Variants in KIAA0586 observed in about 807,000 individuals in gnomAD.
KIAA0586 encodes KIAA0586.
In KIAA0586, 144 loss-of-function variants were observed where a neutral mutation model predicts 169.8. The observed-to-expected ratio is 0.85, with a 90% CI of 0.74 to 0.97. KIAA0586 has a LOEUF of 0.97. Ranked by LOEUF, KIAA0586 falls within the 50% of genes least tolerant of loss-of-function variation. The pLI is 0.00. For synonymous variants in KIAA0586, 625 were observed against 612.4 expected, an observed-to-expected ratio of 1.02 and a Z score of -0.30; for missense variants, 1,854 against 1,823.0, an observed-to-expected ratio of 1.02 and a Z score of -0.31.
intron 26 of KIAA0586, among the ~76,000 whole-genome samples, chr14:58,494,879 TAAG>T (rs764377963): frequency 1.3e-5 from 2 of 152,284 alleles, no homozygotes; most frequent in South Asian, 2.1e-4. Flanking sequence ...GGGTTGTTAA[TAAG>T]AAGACTTTTA....
At position 58,498,898 on chromosome 14, in the gene KIAA0586, C is replaced by T. The variant is rs762448859; in HGVS notation, c.4106C>T (p.Thr1369Ile). The T allele has an allele frequency of 6.8e-6, 11 of 1,612,512 alleles. No individual in the cohort carries two copies. In the South Asian group the frequency reaches 1.2e-4, roughly 18 times the overall value. ...TATATGCAGCCACCTGTCACTAATA[C>T]ACAGTCTTTGGATCAACAATGTGAT... is the stretch of plus-strand genomic sequence containing the variant. ...SLYMQPPVTN[T>I]QSLDQQCDPK... Residue 1369 changes from threonine to isoleucine, a missense_variant, in exon 27 of 31, where the codon ACA becomes ATA. Transcript: ENST00000652326.
At chr14:58,534,999 C>T (rs981525694) in intron 29 of KIAA0586, among the ~76,000 whole-genome samples, 1 of 152,176 alleles carries the variant, frequency 6.6e-6, no homozygotes, top group Non-Finnish European at 1.5e-5. Context: ...CCCAAAGGCC[C>T]TCATGCTCCC....
chr14:58,534,255 A>G (rs898799866), intron 29 of KIAA0586, among the ~76,000 whole-genome samples: 6 of 152,198 alleles, frequency 3.9e-5, no homozygotes, highest in African/African-American at 1.4e-4. Context: ...GTAATTATCA[A>G]ATGTCATTTA....
chr14:58,465,903 A>G lies in KIAA0586; in HGVS notation c.2128A>G (p.Lys710Glu). Residue 710 changes from lysine to glutamate, a missense_variant, in exon 15 of 31, where the codon AAA (lysine) becomes GAA (glutamate). Coordinates refer to ENST00000652326, the MANE Select transcript of KIAA0586 (RefSeq NM_001329943.3). ...AACAAAACCTAAGAAGATGGATTCTAAAATGAAACATTCTGTTCCTGTGTT... is the reference window on the plus strand; with the variant it reads ...AACAAAACCTAAGAAGATGGATTCTGAAATGAAACATTCTGTTCCTGTGTT... ...YATKPKKMDS[K>E]MKHSVPVLPH... 6.2e-7 allele frequency: 1 copy of G among 1,613,062 alleles called. No homozygotes were observed. Among genetic ancestry groups the G allele is most frequent in the Non-Finnish European group, 8.5e-7 (1 of 1,179,224 alleles).
Position 58,444,161 on chromosome 14 carries a change from C to A in KIAA0586, c.793C>A (p.Gln265Lys), listed in dbSNP as rs1190278501. 6.2e-7 allele frequency: 1 copy of A among 1,602,918 alleles called. No homozygotes were observed. ...GCATCTTGAAAAGTTACAACAACAA[C>A]AAATAGATATTCAGGTATCTGTAAT... ...IRHLEKLQQQ[Q>K]IDIQTHFISA... The change falls in exon 6 of 31, where the codon CAA (glutamine) becomes AAA (lysine). Residue 265 changes from glutamine (Q) to lysine (K), a missense_variant. Coordinates refer to ENST00000652326, the MANE Select transcript of KIAA0586 (RefSeq NM_001329943.3).
intron 12 of KIAA0586, among the ~76,000 whole-genome samples, chr14:58,459,580 A>T (rs987389224): frequency 6.6e-6 from 1 of 152,116 alleles, no homozygotes. Context: ...TGTCATGCAA[A>T]GTTGTCCTGC....
At chr14:58,473,171 A>G (rs937122568) in intron 18 of KIAA0586, among the ~76,000 whole-genome samples, 4 of 151,856 alleles carry the variant, frequency 2.6e-5, no homozygotes, top group African/African-American at 9.7e-5. Context: ...GAATAATATT[A>G]CTGAGTTGTA....
chr14:58,486,591 A>G (rs1040003009), intron 21 of KIAA0586, among the ~76,000 whole-genome samples: 1 of 152,338 alleles, frequency 6.6e-6, no homozygotes, highest in African/African-American at 2.4e-5. Context: ...GGCTATTATT[A>G]AAAAGTAAAA....
At chr14:58,500,848 T>C (rs2043520423) in intron 27 of KIAA0586, among the ~76,000 whole-genome samples, 1 of 151,972 alleles carries the variant, frequency 6.6e-6, no homozygotes, top group South Asian at 2.1e-4. Context: ...TGTGAAAAGG[T>C]CACTTGTTTA....
Position 58,487,152 on chromosome 14 carries a change from T to C in KIAA0586, c.3290T>C (p.Ile1097Thr), listed in dbSNP as rs1248303360. The change falls in exon 22 of 31, where the codon ATA becomes ACA. Residue 1097 changes from isoleucine to threonine, a missense_variant. By Grantham distance (89) the Ile-to-Thr change is moderately conservative. Transcript: ENST00000652326. ...DHDMAFPVKEICAEKGDDMPA... is the reference protein window; with the variant it reads ...DHDMAFPVKETCAEKGDDMPA... ...GATATGGCTTTTCCTGTGAAAGAAA[T>C]ATGTGCTGAAAAAGGTAGAAACTTT... is the stretch of plus-strand genomic sequence containing the variant. The C allele has an allele frequency of 4.3e-6, 7 of 1,609,372 alleles. No homozygotes were observed. The highest frequency in any genetic ancestry group is 5.1e-6 in the Non-Finnish European group (6 of 1,178,592).
intron 16 of KIAA0586, among the ~76,000 whole-genome samples, chr14:58,470,280 C>T (rs2041108018): frequency 6.6e-6 from 1 of 151,744 alleles, no homozygotes; most frequent in Admixed American, 6.6e-5. Flanking sequence ...GTTTATGGTT[C>T]TTGTAATCAA....
intron 29 of KIAA0586, among the ~76,000 whole-genome samples, chr14:58,531,021 G>A (rs918613775): frequency 2.6e-5 from 4 of 152,024 alleles, no homozygotes; most frequent in Non-Finnish European, 5.9e-5. Context: ...TCAAAAAGCG[G>A]GCAAAGGGGC....
intron 22 of KIAA0586, among the ~76,000 whole-genome samples, chr14:58,487,476 C>T (rs1215980198): frequency 6.6e-6 from 1 of 151,910 alleles, no homozygotes; most frequent in Non-Finnish European, 1.5e-5. Context: ...TGTGTTGGCA[C>T]GTGCCTGTAA....
intron 20 of KIAA0586, among the ~76,000 whole-genome samples, chr14:58,481,000 A>G (rs2041994702): frequency 6.6e-6 from 1 of 152,178 alleles, no homozygotes; most frequent in Admixed American, 6.5e-5. Flanking sequence ...CCTTATAAAA[A>G]CGATGTTCTG....
At chr14:58,479,449 T>C (rs1268873458) in intron 20 of KIAA0586, among the ~76,000 whole-genome samples, 2 of 152,208 alleles carry the variant, frequency 1.3e-5, no homozygotes, top group East Asian at 3.8e-4. Flanking sequence ...TTTGTAAATA[T>C]TTTCTTCTAC....
At chr14:58,511,956 C>G (rs2044417578) in intron 28 of KIAA0586, among the ~76,000 whole-genome samples, 1 of 152,068 alleles carries the variant, frequency 6.6e-6, no homozygotes, top group African/African-American at 2.4e-5. Flanking sequence ...AGATTTATGA[C>G]TACTGTAAAT....
At chr14:58,456,530 GT>G (rs1343987232) in intron 9 of KIAA0586, among the ~76,000 whole-genome samples, 171 bp from the exon 10 acceptor site, 3 of 152,194 alleles carry the variant, frequency 2.0e-5, no homozygotes, top group African/African-American at 7.2e-5. Context: ...TGTTTCATTT[GT>G]TTAATCACAT....
At chr14:58,447,007 A>C (rs957194440) in intron 6 of KIAA0586, among the ~76,000 whole-genome samples, 1 of 152,216 alleles carries the variant, frequency 6.6e-6, no homozygotes, top group Non-Finnish European at 1.5e-5. Context: ...ACCTGCCATC[A>C]TCCATCCTTC....
intron 4 of KIAA0586, among the ~76,000 whole-genome samples, chr14:58,436,375 T>C (rs2037821055): frequency 6.6e-6 from 1 of 151,690 alleles, no homozygotes; most frequent in African/African-American, 2.4e-5. Context: ...TTGGGAATAC[T>C]CATAACCAGA....
Sources: gnomAD v4.1 joint callset for allele counts (sites outside exome capture counted in the v4.1 genomes callset) on GRCh38, gnomAD v4.1.1 for gene constraint, MANE v1.5 for transcripts, NCBI Gene and HGNC (gene_info 2026-07-23, HGNC 2026-07-21) for gene names.